The following STX6 variants were observed in gnomAD, a reference collection of about 807,000 sequenced individuals.
STX6 encodes syntaxin-6.
In STX6, 23 loss-of-function variants were observed where a neutral mutation model predicts 38.0. That is an observed-to-expected ratio of 0.60 (90% CI 0.43 to 0.86). STX6 has a LOEUF of 0.86. Ranked by LOEUF, STX6 falls within the 40% of genes least tolerant of loss-of-function variation. The probability of loss-of-function intolerance (pLI) is 0.00; values close to 1 mark genes in which losing one functional copy is unlikely to be tolerated. For synonymous variants in STX6, 123 were observed against 107.5 expected (o/e 1.14, Z -0.89); for missense variants, 274 against 312.9 (o/e 0.88, Z 0.94).
intron 7 of STX6, 58 bp from the exon 8 acceptor site, chr1:180,976,704 A>C: frequency 6.6e-7 from 1 of 1,521,714 alleles, no homozygotes; most frequent in Non-Finnish European, 9.1e-7. Flanking sequence ...CCCAAGATAC[A>C]GTTATATGGA....
rs922904727 is a variant in STX6, at chr1:181,021,439, T to G, written c.35+1200A>C. Among the ~76,000 whole-genome samples, 10 of 152,338 alleles carry G rather than the reference T, an allele frequency of 6.6e-5. No homozygotes were observed. In the South Asian group the frequency reaches 1.2e-3, roughly 19 times the overall value. ...ATTAAGAAGTAGTATAAATGTATTT[T>G]ACTGCATAATCGATAAAGTATTTCA... On this transcript the variant is annotated intron_variant, in intron 1 of 7. Coordinates refer to ENST00000258301, the MANE Select transcript of STX6 (RefSeq NM_005819.6).
intron 5 of STX6, 116 bp downstream of exon 5, chr1:180,989,868 C>T: frequency 8.0e-7 from 1 of 1,246,352 alleles, no homozygotes; most frequent in Non-Finnish European, 1.1e-6. Context: ...CAACACAGGA[C>T]AAGCTCTGGC....
At chr1:181,012,614 G>A (rs1656432782) in intron 1 of STX6, among the ~76,000 whole-genome samples, 6 of 150,332 alleles carry the variant, frequency 4.0e-5, no homozygotes. Context: ...CATCTTTGAA[G>A]AATGCATCTT....
At chr1:181,018,388 CAAAAAAAAAAAAAAAAAAA>C (rs34962747) in intron 1 of STX6, among the ~76,000 whole-genome samples, 529 of 43,092 alleles carry the variant, frequency 0.012, 16 homozygotes, top group African/African-American at 0.045. Flanking sequence ...GACTCTGTCC[CAAAAAAAAAAAAAAAAAAA>C]AAAAAAAGAA....
chr1:181,022,786 T>C lies in STX6; in HGVS notation c.-113A>G, dbSNP rs188480376. The C allele has an allele frequency of 1.2e-5, 14 of 1,121,896 alleles. No homozygotes were observed. In the African/African-American group the frequency reaches 1.9e-4, roughly 15 times the overall value. The allele number at this position is 1,121,896 out of a possible 1,614,324, so 69.5% of individuals were successfully genotyped here. ...GCAGCTGCCCGCGCCTTAGTCTGGG[T>C]GAAGCCGAGCAGCGGGCACGCGCAC... On this transcript the variant is annotated 5_prime_UTR_variant, in exon 1 of 8. Coordinates refer to ENST00000258301, the MANE Select transcript of STX6 (RefSeq NM_005819.6).
chr1:181,012,672 C>CTTT lies in STX6; in HGVS notation c.36-7212_36-7210dup, dbSNP rs58296301. ...ATCTGAGCATTCAGATTCTTCCATT[C>CTTT]TTTTTTTTTTTTTTTTTTTGAGATG... is the stretch of plus-strand genomic sequence containing the variant. On this transcript the variant is annotated intron_variant, in intron 1 of 7. Coordinates refer to ENST00000258301, the MANE Select transcript of STX6 (RefSeq NM_005819.6). Among the ~76,000 whole-genome samples the CTTT allele has an allele frequency of 6.3e-3, 753 of 118,872 alleles. 29 individuals carry two copies. Among genetic ancestry groups the CTTT allele is most frequent in the African/African-American group, 0.022 (700 of 31,362 alleles). 78.0% of individuals were successfully genotyped at this position (118,872 alleles called of 152,430 possible).
At chr1:180,990,875 A>C (rs1349788953) in intron 4 of STX6, among the ~76,000 whole-genome samples, 2 of 152,238 alleles carry the variant, frequency 1.3e-5, no homozygotes, top group Non-Finnish European at 2.9e-5. Context: ...CACATGAAGA[A>C]GACAGGCAGG....
At chr1:181,010,206 C>T (rs1024724726) in intron 1 of STX6, among the ~76,000 whole-genome samples, 26 of 151,910 alleles carry the variant, frequency 1.7e-4, no homozygotes, top group African/African-American at 6.1e-4. Flanking sequence ...AAAAAGGTTG[C>T]TTTTTATTGT....
intron 4 of STX6, among the ~76,000 whole-genome samples, chr1:180,990,977 G>A (rs563989755): frequency 6.6e-6 from 1 of 152,320 alleles, no homozygotes; most frequent in African/African-American, 2.4e-5. Context: ...CAGCCCCGCA[G>A]GCAAGAGCCA....
At position 180,972,875 on chromosome 1, in the gene STX6, CAA is replaced by C. The variant is rs372906189; in HGVS notation, c.*3693_*3694del. ...TTCTGGTTTGGTTTTATTTTTTAAT[CAA>C]AAAAAAAAAAAGGAGAGAAAGAAAA... On this transcript the variant is annotated 3_prime_UTR_variant, in exon 8 of 8. Coordinates refer to ENST00000258301, the MANE Select transcript of STX6 (RefSeq NM_005819.6). 0.012 allele frequency: 2,255 copies of C among 186,402 alleles called. No individual in the cohort carries two copies. Among genetic ancestry groups the C allele is most frequent in the South Asian group, 0.027 (393 of 14,332 alleles). 11.5% of individuals were successfully genotyped at this position (186,402 alleles called of 1,614,324 possible).
chr1:180,991,059 A>G (rs1246289913), intron 4 of STX6, among the ~76,000 whole-genome samples: 1 of 152,194 alleles, frequency 6.6e-6, no homozygotes, highest in African/African-American at 2.4e-5. Flanking sequence ...ATTTAAAAAA[A>G]ATCTCAGGCA....
chr1:181,007,730 T>G (rs1396329418), intron 1 of STX6, among the ~76,000 whole-genome samples: 7 of 152,178 alleles, frequency 4.6e-5, no homozygotes, highest in Admixed American at 4.6e-4. Flanking sequence ...TCAAAATTAC[T>G]GAAGACCCCG....
At chr1:181,003,646 T>C (rs1656146123) in intron 2 of STX6, among the ~76,000 whole-genome samples, 1 of 152,218 alleles carries the variant, frequency 6.6e-6, no homozygotes. Flanking sequence ...GAACCTGTGC[T>C]AACTATAAGG....
chr1:180,986,444 C>A (rs1277188861), intron 6 of STX6, among the ~76,000 whole-genome samples: 1 of 152,228 alleles, frequency 6.6e-6, no homozygotes, highest in Non-Finnish European at 1.5e-5. Context: ...TCAATTCAGA[C>A]TGGCCACATA....
intron 2 of STX6, among the ~76,000 whole-genome samples, chr1:181,004,748 G>C (rs150565088): frequency 1.3e-5 from 2 of 151,894 alleles, no homozygotes; most frequent in African/African-American, 4.8e-5. Flanking sequence ...AAATTAATTC[G>C]ATCTATGGAG....
chr1:181,006,624 A>G (rs543602254), intron 1 of STX6, among the ~76,000 whole-genome samples: 5 of 152,070 alleles, frequency 3.3e-5, no homozygotes, highest in Non-Finnish European at 7.4e-5. Flanking sequence ...TGATCCTTCT[A>G]TGATTTCTTC....
chr1:180,999,284 C>T (rs559248700), intron 3 of STX6, among the ~76,000 whole-genome samples: 3 of 152,314 alleles, frequency 2.0e-5, no homozygotes, highest in African/African-American at 7.2e-5. Flanking sequence ...GCCTAGAACT[C>T]AGGTTCCCTT....
At position 181,022,807 on chromosome 1, in the gene STX6, CGCACAGGCCAGGT is replaced by C; in HGVS notation, c.-147_-135del. ...TGGGTGAAGCCGAGCAGCGGGCACG[CGCACAGGCCAGGT>C]GCACAGGACGGCCGCTGGTCCAGCA... On this transcript the variant is annotated 5_prime_UTR_variant, in exon 1 of 8. Transcript: ENST00000258301. 3 of 848,710 alleles carry C rather than the reference CGCACAGGCCAGGT, an allele frequency of 3.5e-6. No individual in the cohort carries two copies. The highest frequency in any genetic ancestry group is 5.6e-6 in the Non-Finnish European group (3 of 535,968). The allele number at this position is 848,710 out of a possible 1,614,324, so 52.6% of individuals were successfully genotyped here. A position where few individuals can be genotyped will look rare whatever the true frequency, so the allele number is the denominator to read the frequency against.
At chr1:181,013,127 A>C (rs1322219963) in intron 1 of STX6, among the ~76,000 whole-genome samples, 1 of 151,732 alleles carries the variant, frequency 6.6e-6, no homozygotes, top group Non-Finnish European at 1.5e-5. Context: ...CTCTGGGGCC[A>C]CAAGTAATAC....
Sources: allele counts gnomAD v4.1 joint callset (sites outside exome capture counted in the v4.1 genomes callset), GRCh38; gene constraint gnomAD v4.1.1; transcripts MANE v1.5; gene names NCBI Gene and HGNC (gene_info 2026-07-23, HGNC 2026-07-21).